Variants in EFHB observed in about 807,000 individuals in gnomAD.
EFHB encodes EF-hand domain-containing family member B.
In EFHB, 91 loss-of-function variants were observed where a neutral mutation model predicts 87.2. The observed-to-expected ratio is 1.04, with a 90% confidence interval of 0.88 to 1.24. The LOEUF (loss-of-function observed/expected upper bound fraction) is 1.24. Among genes scored for constraint, EFHB ranks in the 50% most tolerant of loss-of-function variants. The probability of loss-of-function intolerance (pLI) is 0.00; values close to 1 mark genes in which losing one functional copy is unlikely to be tolerated. For missense variants in EFHB, 1,084 were observed against 998.8 expected (o/e 1.09, Z -1.15); for synonymous variants, 325 against 333.6 (o/e 0.97, Z 0.28).
At chr3:19,897,759 A>T (rs1694537824) in intron 8 of EFHB, among the ~76,000 whole-genome samples, 1 of 152,128 alleles carries the variant, frequency 6.6e-6, no homozygotes, top group Non-Finnish European at 1.5e-5. Flanking sequence ...TCTTCAAAAG[A>T]TATTAAAGCC....
chr3:19,925,241 C>CA (rs968867573), intron 1 of EFHB, among the ~76,000 whole-genome samples: 1,004 of 61,752 alleles, frequency 0.016, 15 homozygotes, highest in African/African-American at 0.026. Flanking sequence ...GACTCCTTCT[C>CA]AAAAAAAAAA....
chr3:19,911,212 A>G (rs1394266793), intron 5 of EFHB, among the ~76,000 whole-genome samples: 3 of 152,198 alleles, frequency 2.0e-5, no homozygotes, highest in Admixed American at 2.0e-4. Flanking sequence ...TAACACAGAG[A>G]AGGAATTCAA....
At chr3:19,885,356 T>C (rs1249055684) in intron 10 of EFHB, among the ~76,000 whole-genome samples, 2 of 152,206 alleles carry the variant, frequency 1.3e-5, no homozygotes, top group African/African-American at 2.4e-5. Context: ...GGGGGGAGCA[T>C]GCACTACAAC....
intron 7 of EFHB, 148 bp downstream of exon 7, chr3:19,899,284 G>C (rs1694589191): frequency 6.8e-6 from 4 of 589,372 alleles, no homozygotes; most frequent in Non-Finnish European, 1.1e-5. Flanking sequence ...AAATTCTATA[G>C]ATATTAACAG....
At position 19,918,250 on chromosome 3, in the gene EFHB, C is replaced by A. The variant is rs1468730500; in HGVS notation, c.1159G>T (p.Gly387Trp). 3.1e-6 allele frequency: 5 copies of A among 1,601,478 alleles called. No homozygotes were observed. Among genetic ancestry groups the A allele is most frequent in the Non-Finnish European group, 3.4e-6 (4 of 1,176,470 alleles). ...TTACTACCTTTGATGACTGCTGTCC[C>A]AAATGTCGTATTGGTTGTGTCCATG... ...KGMDTTNTTF[G>W]TAVIKEYSAK... is the part of the protein sequence containing the mutation. Residue 387 changes from glycine (G) to tryptophan (W), a missense_variant, in exon 4 of 13, where the codon GGG (glycine) becomes TGG (tryptophan). By Grantham distance (184) the Gly-to-Trp change is radical (BLOSUM62 -2). Coordinates refer to ENST00000295824, the MANE Select transcript of EFHB (RefSeq NM_144715.4).
chr3:19,925,763 T>C (rs1268185245), intron 1 of EFHB, among the ~76,000 whole-genome samples: 1 of 152,142 alleles, frequency 6.6e-6, no homozygotes, highest in African/African-American at 2.4e-5. Flanking sequence ...TAAGACCATT[T>C]TCAGCTGCTC....
At chr3:19,915,502 G>A in intron 4 of EFHB, 89 bp from the exon 5 acceptor site, 2 of 794,670 alleles carry the variant, frequency 2.5e-6, no homozygotes, top group Admixed American at 5.7e-5. Flanking sequence ...TGAGAAATTA[G>A]GTATGCTGGA....
At chr3:19,899,890 T>C (rs948214110) in intron 6 of EFHB, among the ~76,000 whole-genome samples, 7 of 151,800 alleles carry the variant, frequency 4.6e-5, no homozygotes, top group Admixed American at 2.6e-4. Flanking sequence ...CTGGGCAACA[T>C]GGCAAAACCC....
intron 5 of EFHB, among the ~76,000 whole-genome samples, chr3:19,908,598 GAGAAAGAAAGAAAGAAAGAAAGAAAGAA>G (rs767343345): frequency 2.6e-5 from 2 of 77,796 alleles, no homozygotes; most frequent in Admixed American, 1.6e-4. Flanking sequence ...GAGAGAGAGA[GAGAAAGAAAGAAAGAAAGAAAGAAAGAA>G]AGAAAGAAAG....
At chr3:19,936,014 A>C, upstream of EFHB, 1 of 1,057,770 alleles carries the variant, frequency 9.5e-7, no homozygotes, top group Non-Finnish European at 1.2e-6. Flanking sequence ...ATCTCAAAAA[A>C]AAAAAAAAAA....
At chr3:19,886,588 A>G (rs527324621) in intron 10 of EFHB, among the ~76,000 whole-genome samples, 1 of 149,304 alleles carries the variant, frequency 6.7e-6, no homozygotes, top group Admixed American at 6.7e-5. Context: ...AGGCAGGTGA[A>G]TCACTTGAGC....
upstream of EFHB, among the ~76,000 whole-genome samples, chr3:19,934,854 C>T (rs1319205029): frequency 6.6e-6 from 1 of 152,110 alleles, no homozygotes; most frequent in African/African-American, 2.4e-5. Flanking sequence ...ATAAAGACAT[C>T]TTAAAGTCCT....
chr3:19,915,438 G>C, intron 4 of EFHB, 25 bp from the exon 5 acceptor site: 1 of 1,499,754 alleles, frequency 6.7e-7, no homozygotes, highest in Non-Finnish European at 9.2e-7. Context: ...AATAAAATCA[G>C]TTCCAAGTCA....
chr3:19,911,502 G>C (rs1198739629), intron 5 of EFHB, among the ~76,000 whole-genome samples: 1 of 152,028 alleles, frequency 6.6e-6, no homozygotes, highest in African/African-American at 2.4e-5. Context: ...AGGTTGCAGT[G>C]AGCCAAGAGC....
At chr3:19,908,855 A>G (rs1246042729) in intron 5 of EFHB, among the ~76,000 whole-genome samples, 1 of 152,172 alleles carries the variant, frequency 6.6e-6, no homozygotes, top group Non-Finnish European at 1.5e-5. Flanking sequence ...AATTTAAAAT[A>G]TATAGAGCAG....
rs373395590 is a variant in EFHB, at chr3:19,929,641, G to A, written c.789+3589C>T. On this transcript the variant is annotated intron_variant, in intron 1 of 12. Coordinates refer to ENST00000295824, the MANE Select transcript of EFHB (RefSeq NM_144715.4). ...GGAGAATTGCTTGAACCCAGGAGGC[G>A]GAGATTGCAGCGAGCCGAGATGGTG... is the stretch of plus-strand genomic sequence containing the variant. Among the ~76,000 whole-genome samples the A allele has an allele frequency of 6.0e-3, 887 of 147,730 alleles. 7 individuals carry two copies. The highest frequency in any genetic ancestry group is 0.022 in the African/African-American group (863 of 40,062).
chr3:19,882,061 A>T (rs920153213), intron 12 of EFHB, among the ~76,000 whole-genome samples: 1 of 106,246 alleles, frequency 9.4e-6, no homozygotes, highest in Non-Finnish European at 1.9e-5. Context: ...ATAAATAAAT[A>T]ATTAAATAAG....
At chr3:19,919,466 C>A (rs548961687) in intron 3 of EFHB, among the ~76,000 whole-genome samples, 11 of 152,154 alleles carry the variant, frequency 7.2e-5, no homozygotes, top group Admixed American at 1.3e-4. Context: ...CTCAGCCTCC[C>A]AAAGTGCTGG....
In EFHB at chr3:19,879,541, A is replaced by G; in HGVS notation, c.*90T>C. On this transcript the variant is annotated 3_prime_UTR_variant, in exon 13 of 13. Transcript: ENST00000295824. ...ATGAGTCTTACCACTGTGAACTCTA[A>G]CATAATATCTAAAACCAGAATGGAT... is the stretch of plus-strand genomic sequence containing the variant. The G allele has an allele frequency of 1.4e-6, 2 of 1,392,870 alleles. No individual in the cohort carries two copies. The highest frequency in any genetic ancestry group is 2.4e-5 in the East Asian group (1 of 41,862). 86.3% of individuals were successfully genotyped at this position (1,392,870 alleles called of 1,614,324 possible).
Sources: gnomAD v4.1 joint callset for allele counts (sites outside exome capture counted in the v4.1 genomes callset) on GRCh38, gnomAD v4.1.1 for gene constraint, MANE v1.5 for transcripts, NCBI Gene and HGNC (gene_info 2026-07-23, HGNC 2026-07-21) for gene names.